EPHA5: variants seen among roughly 807,000 people sequenced by gnomAD.
EPHA5 encodes the protein ephrin type-A receptor 5.
Under a neutral mutation model 105.0 loss-of-function variants are expected in EPHA5, and 60 were observed. The ratio of observed to expected loss-of-function variants is 0.57; its 90% CI spans 0.46 to 0.71. The LOEUF is 0.71. Among genes scored for constraint, EPHA5 ranks in the 30% least tolerant of loss-of-function variants. EPHA5 has a pLI of 0.00. For synonymous variants in EPHA5, 513 were observed against 449.1 expected (o/e 1.14, Z -1.80); for missense variants, 1,218 against 1,274.7 (o/e 0.96, Z 0.68).
At chr4:65,658,748 C>T (rs961984518) in intron 1 of EPHA5, among the ~76,000 whole-genome samples, 3 of 152,054 alleles carry the variant, frequency 2.0e-5, no homozygotes, top group African/African-American at 7.2e-5. Flanking sequence ...GAGCCAGGTT[C>T]CTGAGCCCGT....
intron 5 of EPHA5, among the ~76,000 whole-genome samples, chr4:65,486,730 G>GT (rs1248191149): frequency 2.0e-5 from 3 of 152,232 alleles, no homozygotes; most frequent in Non-Finnish European, 2.9e-5. Context: ...CTTAAAAAGT[G>GT]TTTTGCCATG....
intron 2 of EPHA5, among the ~76,000 whole-genome samples, chr4:65,617,643 C>T (rs915823152): frequency 6.6e-6 from 1 of 152,028 alleles, no homozygotes; most frequent in Non-Finnish European, 1.5e-5. Context: ...GGTCTGGCCA[C>T]TATTTTTTTC....
chr4:65,495,562 G>A lies in EPHA5; in HGVS notation c.911-19C>T, dbSNP rs748347886. 8.8e-6 allele frequency: 14 copies of A among 1,596,854 alleles called. No individual in the cohort carries two copies. The South Asian group carries it at 1.4e-4, about 16-fold the overall frequency. On this transcript the variant is annotated intron_variant, in intron 3 of 16. Transcript: ENST00000613740. ...CTGCACACTGTCAAAAGAAATAAGA[G>A]ACTAAGCTTTTCCCTGGAACAGATG...
chr4:65,599,790 A>T (rs1238886954), intron 3 of EPHA5, among the ~76,000 whole-genome samples: 5 of 152,228 alleles, frequency 3.3e-5, no homozygotes, highest in Admixed American at 3.3e-4. Context: ...TATTAAGAGA[A>T]TAACATGAGA....
chr4:65,412,493 ACATT>A (rs1723006880), intron 7 of EPHA5, among the ~76,000 whole-genome samples: 3 of 152,100 alleles, frequency 2.0e-5, no homozygotes, highest in African/African-American at 7.2e-5. Flanking sequence ...TACAAATAAT[ACATT>A]CATTCTTTAA....
chr4:65,422,572 A>G (rs1477080020), intron 5 of EPHA5, among the ~76,000 whole-genome samples: 1 of 152,128 alleles, frequency 6.6e-6, no homozygotes, highest in Non-Finnish European at 1.5e-5. Context: ...AAGGATAGAA[A>G]AAAGTACCAA....
At chr4:65,555,903 A>G (rs1738390600) in intron 3 of EPHA5, among the ~76,000 whole-genome samples, 1 of 152,160 alleles carries the variant, frequency 6.6e-6, no homozygotes. Context: ...GTTTCCAAAT[A>G]ATCTAAAACA....
intron 5 of EPHA5, among the ~76,000 whole-genome samples, chr4:65,464,590 G>A (rs190122471): frequency 2.0e-5 from 3 of 152,046 alleles, no homozygotes; most frequent in Admixed American, 1.3e-4. Flanking sequence ...ACATGATAAA[G>A]CACATTTATT....
chr4:65,400,428 C>G (rs963763017), intron 8 of EPHA5, among the ~76,000 whole-genome samples: 1 of 151,750 alleles, frequency 6.6e-6, no homozygotes, highest in Non-Finnish European at 1.5e-5. Flanking sequence ...GCAGAAAATA[C>G]CCCATAGATT....
At chr4:65,552,081 C>T (rs1454105791) in intron 3 of EPHA5, among the ~76,000 whole-genome samples, 1 of 152,144 alleles carries the variant, frequency 6.6e-6, no homozygotes. Flanking sequence ...TCATTCACAG[C>T]AGAGGGCAGA....
rs2149441273 is a variant in EPHA5, at chr4:65,602,180, G to A, written c.371C>T (p.Ser124Phe). ...LTSWISNEGA[S>F]RIFIELKFTL... ...AAATTTGAGTTCTATGAAGATTCTG[G>A]AAGCACCTTCATTGGAGATCCAACT... The change falls in exon 3 of 17, where the codon TCC (serine) becomes TTC (phenylalanine). Residue 124 changes from serine (S) to phenylalanine (F), a missense_variant. By Grantham distance (155) the Ser-to-Phe change is radical (BLOSUM62 -2). Coordinates refer to ENST00000613740, the MANE Select transcript of EPHA5 (RefSeq NM_001281766.3). 1.2e-6 allele frequency: 2 copies of A among 1,613,976 alleles called. No homozygotes were observed. Among genetic ancestry groups the A allele is most frequent in the Non-Finnish European group, 1.7e-6 (2 of 1,180,012 alleles).
intron 8 of EPHA5, among the ~76,000 whole-genome samples, chr4:65,372,317 G>T (rs1718556494): frequency 6.6e-6 from 1 of 151,848 alleles, no homozygotes; most frequent in South Asian, 2.1e-4. Context: ...ATAAGCATAT[G>T]AACATTAAGT....
At chr4:65,453,698 A>C (rs28593665) in intron 5 of EPHA5, among the ~76,000 whole-genome samples, 1 of 152,184 alleles carries the variant, frequency 6.6e-6, no homozygotes, top group African/African-American at 2.4e-5. Flanking sequence ...CTAGTAGTCC[A>C]CTGTGCTTGT....
At chr4:65,571,024 C>T (rs1444337126) in intron 3 of EPHA5, among the ~76,000 whole-genome samples, 1 of 151,880 alleles carries the variant, frequency 6.6e-6, no homozygotes, top group Non-Finnish European at 1.5e-5. Context: ...TGCCCACTCT[C>T]TCCTTCTTCC....
chr4:65,326,540 G>A (rs956054785), intron 16 of EPHA5, among the ~76,000 whole-genome samples: 5 of 151,278 alleles, frequency 3.3e-5, no homozygotes, highest in African/African-American at 9.7e-5. Context: ...ATATTCTCGT[G>A]TTTCCACATG....
At chr4:65,431,448 G>A (rs1191446346) in intron 5 of EPHA5, among the ~76,000 whole-genome samples, 3 of 151,986 alleles carry the variant, frequency 2.0e-5, no homozygotes, top group African/African-American at 4.8e-5. Flanking sequence ...GAGATCTGAA[G>A]GACTCATATG....
chr4:65,341,116 C>T (rs1443524659), intron 14 of EPHA5, among the ~76,000 whole-genome samples: 1 of 151,996 alleles, frequency 6.6e-6, no homozygotes, highest in African/African-American at 2.4e-5. Flanking sequence ...TTCCTGTTGA[C>T]ATAGGTTTCT....
intron 4 of EPHA5, among the ~76,000 whole-genome samples, chr4:65,491,404 T>C (rs1731385783): frequency 6.6e-6 from 1 of 152,108 alleles, no homozygotes; most frequent in Non-Finnish European, 1.5e-5. Flanking sequence ...TAAAATTTAT[T>C]TTAAAAATAA....
At chr4:65,636,424 A>G (rs914542992) in intron 2 of EPHA5, among the ~76,000 whole-genome samples, 3 of 152,134 alleles carry the variant, frequency 2.0e-5, no homozygotes, top group African/African-American at 7.2e-5. Flanking sequence ...TCTGGTTTTA[A>G]ATAATCAGGA....
Sources: gnomAD v4.1 joint callset for allele counts (sites outside exome capture counted in the v4.1 genomes callset) on GRCh38, gnomAD v4.1.1 for gene constraint, MANE v1.5 for transcripts, NCBI Gene and HGNC (gene_info 2026-07-23, HGNC 2026-07-21) for gene names.